The following FAM184B variants were observed in gnomAD, a reference collection of about 807,000 sequenced individuals.
FAM184B encodes family with sequence similarity 184 member B, also known as protein FAM184B.
FAM184B carries 111 observed loss-of-function variants against 135.9 expected under a neutral mutation model. That is an observed-to-expected ratio of 0.82 (90% confidence interval 0.70 to 0.96). FAM184B has a LOEUF of 0.96. Ranked by LOEUF, FAM184B falls within the 40% of genes least tolerant of loss-of-function variation. The probability of loss-of-function intolerance (pLI) is 0.00; values close to 1 mark genes in which losing one functional copy is unlikely to be tolerated. For synonymous variants in FAM184B, 552 were observed against 524.8 expected, an observed-to-expected ratio of 1.05 and a Z score of -0.71; for missense variants, 1,375 against 1,323.9, an observed-to-expected ratio of 1.04 and a Z score of -0.60.
chr4:17,767,095 C>T (rs1224928182), intron 1 of FAM184B, among the ~76,000 whole-genome samples: 1 of 152,190 alleles, frequency 6.6e-6, no homozygotes, highest in African/African-American at 2.4e-5. Flanking sequence ...CAGCCGGCCC[C>T]TCCGAGTGCG....
intron 7 of FAM184B, among the ~76,000 whole-genome samples, chr4:17,686,710 G>C (rs572579853): frequency 1.7e-4 from 26 of 152,258 alleles, no homozygotes; most frequent in Admixed American, 5.9e-4. Context: ...GGGAGGCCAA[G>C]AAAGGAGGAT....
intron 1 of FAM184B, among the ~76,000 whole-genome samples, chr4:17,771,143 C>T (rs770018770): frequency 6.6e-6 from 1 of 152,156 alleles, no homozygotes; most frequent in African/African-American, 2.4e-5. Flanking sequence ...GAAAGATAAG[C>T]GTGTCCAAGC....
intron 8 of FAM184B, among the ~76,000 whole-genome samples, chr4:17,663,708 C>T (rs1040598604): frequency 1.3e-5 from 2 of 151,698 alleles, no homozygotes; most frequent in Non-Finnish European, 2.9e-5. Flanking sequence ...TCATGTAAGT[C>T]CTGCTGATAT....
Position 17,632,958 on chromosome 4 carries a change from G to C in FAM184B, c.3090-333C>G, listed in dbSNP as rs568688259. ...ATTTTTTGTGACAGAGTCTCCCTCT[G>C]TCACCCAGGCTGGAGTGCAGTGGCA... On this transcript the variant is annotated intron_variant, in intron 17 of 17. Transcript: ENST00000265018. 3.2e-4 allele frequency: 59 copies of C among 186,600 alleles called. 1 individual carries two copies. In the South Asian group the frequency reaches 6.0e-3, roughly 19 times the overall value. The allele number at this position is 186,600 out of a possible 1,614,324, so 11.6% of individuals were successfully genotyped here.
intron 11 of FAM184B, among the ~76,000 whole-genome samples, chr4:17,648,735 T>C (rs990211560): frequency 6.6e-6 from 1 of 152,044 alleles, no homozygotes; most frequent in Non-Finnish European, 1.5e-5. Flanking sequence ...AGGTAGGAGA[T>C]GGCATGTCAT....
In FAM184B at chr4:17,765,576, A is replaced by C. The variant is rs1718651040; in HGVS notation, c.141+15583T>G. Reference sequence around the variant, plus strand: ...ATAATCCAGTTTTTGTATAAAAAACAGTAGAAGCTCTTTGGCCAGTCTGCC... The same window carrying C: ...ATAATCCAGTTTTTGTATAAAAAACCGTAGAAGCTCTTTGGCCAGTCTGCC... On this transcript the variant is annotated intron_variant, in intron 1 of 17. Coordinates refer to ENST00000265018, the MANE Select transcript of FAM184B (RefSeq NM_015688.2). 2.0e-5 allele frequency among the ~76,000 whole-genome samples: 3 copies of C among 152,244 alleles called. No individual in the cohort carries two copies. In the South Asian group the frequency reaches 6.2e-4, roughly 31 times the overall value.
At chr4:17,661,587 AAGAG>A (rs1272382678) in intron 8 of FAM184B, among the ~76,000 whole-genome samples, 23 of 152,202 alleles carry the variant, frequency 1.5e-4, no homozygotes, top group Admixed American at 1.5e-3. Flanking sequence ...TACATATTAA[AAGAG>A]AGAAGTTTTC....
At chr4:17,708,321 C>T (rs1278654253) in intron 2 of FAM184B, among the ~76,000 whole-genome samples, 1 of 151,984 alleles carries the variant, frequency 6.6e-6, no homozygotes, top group African/African-American at 2.4e-5. Context: ...TTGCCCATAG[C>T]CCTGGGCCTG....
intron 7 of FAM184B, among the ~76,000 whole-genome samples, chr4:17,672,840 C>A (rs1716209742): frequency 6.6e-6 from 1 of 152,132 alleles, no homozygotes; most frequent in Middle Eastern, 3.4e-3. Flanking sequence ...CTTTAGTTTT[C>A]TTTTTTTGTT....
chr4:17,685,144 C>T (rs902377026), intron 7 of FAM184B, among the ~76,000 whole-genome samples: 9 of 147,572 alleles, frequency 6.1e-5, no homozygotes, highest in Non-Finnish European at 1.2e-4. Context: ...ACCACCATGG[C>T]ACATGTTTAC....
intron 12 of FAM184B, among the ~76,000 whole-genome samples, chr4:17,643,169 A>G (rs1338844307): frequency 6.6e-6 from 1 of 152,178 alleles, no homozygotes; most frequent in Non-Finnish European, 1.5e-5. Flanking sequence ...AGATGGAAAA[A>G]TGCATTCCCC....
At position 17,693,386 on chromosome 4, in the gene FAM184B, C is replaced by T; in HGVS notation, c.1404G>A (p.Val468=). 2 of 1,551,684 alleles carry T rather than the reference C, an allele frequency of 1.3e-6. No individual in the cohort carries two copies. The highest frequency in any genetic ancestry group is 1.7e-6 in the Non-Finnish European group (2 of 1,146,982). The change falls in exon 6 of 18, where the codon GTG becomes GTA. Residue 468 remains valine (V), a synonymous_variant. Coordinates refer to ENST00000265018, the MANE Select transcript of FAM184B (RefSeq NM_015688.2). ...QREVEAQLEE[V]RKKSEKEIKQ... is the part of the protein sequence containing the mutation. ...TTATCTCCTTTTCTGATTTCTTCCT[C>T]ACTTCCTCCAACTGTGCTTCTACTT...
rs146669109 is a variant in FAM184B, at chr4:17,688,988, C to T, written c.1489-457G>A. 1.9e-3 allele frequency among the ~76,000 whole-genome samples: 288 copies of T among 152,274 alleles called. 2 individuals carry two copies. The highest frequency in any genetic ancestry group is 6.2e-3 in the African/African-American group (258 of 41,562). Reference sequence around the variant, plus strand: ...GATTATAGGCGTAAGCCACTGTGCCCGGCCTAGAAATGCCATTTCTAATGA... The same window carrying T: ...GATTATAGGCGTAAGCCACTGTGCCTGGCCTAGAAATGCCATTTCTAATGA... On this transcript the variant is annotated intron_variant, in intron 6 of 17. Coordinates refer to ENST00000265018, the MANE Select transcript of FAM184B (RefSeq NM_015688.2).
chr4:17,666,712 A>C (rs1259781465), intron 7 of FAM184B, among the ~76,000 whole-genome samples: 4 of 151,518 alleles, frequency 2.6e-5, no homozygotes, highest in Non-Finnish European at 5.9e-5. Context: ...TTTTTCTCAC[A>C]ATACATATCA....
At chr4:17,774,446 G>A (rs1410878689) in intron 1 of FAM184B, among the ~76,000 whole-genome samples, 1 of 152,184 alleles carries the variant, frequency 6.6e-6, no homozygotes, top group African/African-American at 2.4e-5. Flanking sequence ...CAGAGAGGTG[G>A]ACACGGGCCC....
rs1468449611 is a variant in FAM184B at position 17,642,083 on chromosome 4, T to C, written c.2492A>G (p.Glu831Gly). The stretch of plus-strand genomic sequence containing the variant: ...GCGCTGGTCTCGGAGCTTCTGCGCC[T>C]CCTGCTGATGCTGCTCCACCTCCGC... ...LRAEVEQHQQEAQKLRDQRRF... is the reference protein window; with the variant it reads ...LRAEVEQHQQGAQKLRDQRRF... Residue 831 changes from glutamate to glycine, a missense_variant, in exon 13 of 18, where the codon GAG becomes GGG. Glu to Gly is a moderately conservative substitution (Grantham distance 98, BLOSUM62 -2). Coordinates refer to ENST00000265018, the MANE Select transcript of FAM184B (RefSeq NM_015688.2). 5.2e-6 allele frequency: 8 copies of C among 1,531,856 alleles called. No individual in the cohort carries two copies. The highest frequency in any genetic ancestry group is 1.2e-5 in the South Asian group (1 of 83,850). The allele number at this position is 1,531,856 out of a possible 1,614,324, so 94.9% of individuals were successfully genotyped here. A position where few individuals can be genotyped will look rare whatever the true frequency, so the allele number is the denominator to read the frequency against.
At chr4:17,680,643 A>G (rs988083600) in intron 7 of FAM184B, among the ~76,000 whole-genome samples, 1 of 152,126 alleles carries the variant, frequency 6.6e-6, no homozygotes, top group Non-Finnish European at 1.5e-5. Flanking sequence ...TCTCAGATTC[A>G]GTCCAGTGCT....
rs1238905407 is a variant in FAM184B at position 17,642,192 on chromosome 4, C to T, written c.2383G>A (p.Gly795Ser). Reference protein sequence around the residue: ...GGPGQAGSPPGAAGQGSGEGC... With the variant: ...GGPGQAGSPPSAAGQGSGEGC... ...TCGCCGGAACCCTGCCCAGCAGCGC[C>T]CGGTGGGGAGCCGGCCTGGCCCGGG... Residue 795 changes from glycine to serine, a missense_variant, in exon 13 of 18, where the codon GGC (glycine) becomes AGC (serine). Gly to Ser is a moderately conservative substitution (Grantham distance 56, BLOSUM62 0). Coordinates refer to ENST00000265018, the MANE Select transcript of FAM184B (RefSeq NM_015688.2). 4.6e-6 allele frequency: 7 copies of T among 1,526,900 alleles called. No homozygotes were observed. The highest frequency in any genetic ancestry group is 6.1e-6 in the Non-Finnish European group (7 of 1,143,180). The allele number at this position is 1,526,900 out of a possible 1,614,324, so 94.6% of individuals were successfully genotyped here.
intron 1 of FAM184B, among the ~76,000 whole-genome samples, chr4:17,770,326 T>C (rs1462677711): frequency 6.6e-6 from 1 of 152,164 alleles, no homozygotes; most frequent in Non-Finnish European, 1.5e-5. Context: ...CAGGGGTTGG[T>C]GGCCAGAGGT....
Sources: allele counts gnomAD v4.1 joint callset (sites outside exome capture counted in the v4.1 genomes callset), GRCh38; gene constraint gnomAD v4.1.1; transcripts MANE v1.5; gene names NCBI Gene and HGNC (gene_info 2026-07-23, HGNC 2026-07-21).